The following TEC variants were observed in gnomAD, a reference collection of about 807,000 sequenced individuals.
TEC encodes the protein tec protein tyrosine kinase, also known as tyrosine-protein kinase Tec.
In TEC, 72 loss-of-function variants were observed where a neutral mutation model predicts 93.0. That is an observed-to-expected ratio of 0.77 (90% CI 0.64 to 0.94). The LOEUF is 0.94. Among genes scored for constraint, TEC ranks in the 40% least tolerant of loss-of-function variants. The probability of loss-of-function intolerance (pLI) is 0.00; values close to 1 mark genes in which losing one functional copy is unlikely to be tolerated. For missense variants in TEC, 630 were observed against 757.9 expected, an observed-to-expected ratio of 0.83 and a Z score of 1.98; for synonymous variants, 249 against 247.7, an observed-to-expected ratio of 1.01 and a Z score of -0.05.
intron 1 of TEC, among the ~76,000 whole-genome samples, chr4:48,242,123 C>T (rs1463903991): frequency 5.3e-5 from 8 of 152,280 alleles, no homozygotes; most frequent in South Asian, 2.1e-4. Flanking sequence ...CAATTTCTTC[C>T]AGTGCTGTGT....
intron 2 of TEC, among the ~76,000 whole-genome samples, chr4:48,191,984 G>A (rs529876199): frequency 6.6e-6 from 1 of 152,232 alleles, no homozygotes; most frequent in East Asian, 1.9e-4. Flanking sequence ...TATTTGCTCA[G>A]TATATACTAC....
At chr4:48,248,216 G>A (rs1309019989) in intron 1 of TEC, among the ~76,000 whole-genome samples, 1 of 152,184 alleles carries the variant, frequency 6.6e-6, no homozygotes, top group Non-Finnish European at 1.5e-5. Context: ...AATTAGTGGT[G>A]TACAAATAAT....
At chr4:48,146,503 C>A in intron 11 of TEC, 104 bp from the exon 12 acceptor site, 1 of 981,148 alleles carries the variant, frequency 1.0e-6, no homozygotes, top group Non-Finnish European at 1.6e-6. Flanking sequence ...TATTCATTTA[C>A]TGCTCATCCT....
chr4:48,170,503 C>T, intron 4 of TEC, 127 bp from the exon 5 acceptor site: 2 of 612,362 alleles, frequency 3.3e-6, no homozygotes, highest in Non-Finnish European at 5.3e-6. Flanking sequence ...GCCCTTAGAT[C>T]ACAGGACTCA....
At chr4:48,255,184 C>T (rs1029176486) in intron 1 of TEC, among the ~76,000 whole-genome samples, 3 of 152,192 alleles carry the variant, frequency 2.0e-5, no homozygotes, top group African/African-American at 7.2e-5. Context: ...TGTGCTCTCA[C>T]CACCGTGCAG....
chr4:48,236,228 A>C (rs1387447684), intron 1 of TEC, among the ~76,000 whole-genome samples: 1 of 152,152 alleles, frequency 6.6e-6, no homozygotes, highest in Non-Finnish European at 1.5e-5. Flanking sequence ...ATGAAACAAA[A>C]CTTCAGGATT....
At chr4:48,201,667 C>T (rs970501035) in intron 2 of TEC, among the ~76,000 whole-genome samples, 1 of 152,138 alleles carries the variant, frequency 6.6e-6, no homozygotes, top group Non-Finnish European at 1.5e-5. Context: ...AGCAAGGACA[C>T]GGGCTCTCAG....
At chr4:48,157,014 CAT>C (rs1013374974) in intron 8 of TEC, among the ~76,000 whole-genome samples, 1 of 152,264 alleles carries the variant, frequency 6.6e-6, no homozygotes, top group African/African-American at 2.4e-5. Flanking sequence ...CTGAATTTTT[CAT>C]ATAACATTAT....
At chr4:48,261,583 T>C (rs1203700266) in intron 1 of TEC, among the ~76,000 whole-genome samples, 1 of 152,208 alleles carries the variant, frequency 6.6e-6, no homozygotes, top group Middle Eastern at 3.2e-3. Flanking sequence ...AAAGATATCA[T>C]TGGAATTCCA....
At chr4:48,215,843 A>C (rs1241104218) in intron 2 of TEC, among the ~76,000 whole-genome samples, 1 of 152,146 alleles carries the variant, frequency 6.6e-6, no homozygotes, top group Admixed American at 6.5e-5. Context: ...AAGGCAGTGC[A>C]CTCAGAGAGC....
At chr4:48,160,443 T>G (rs993146699) in intron 8 of TEC, among the ~76,000 whole-genome samples, 3 of 152,004 alleles carry the variant, frequency 2.0e-5, no homozygotes, top group African/African-American at 7.2e-5. Context: ...AGAAAAACCT[T>G]TGGCCAGGGG....
intron 2 of TEC, among the ~76,000 whole-genome samples, chr4:48,185,116 C>T (rs1474679724): frequency 1.3e-5 from 2 of 152,144 alleles, no homozygotes; most frequent in Non-Finnish European, 2.9e-5. Flanking sequence ...TCTAGGGTTA[C>T]AGAGACAAAT....
chr4:48,233,950 T>G (rs998347747), intron 1 of TEC, among the ~76,000 whole-genome samples: 2 of 151,832 alleles, frequency 1.3e-5, no homozygotes, highest in African/African-American at 4.8e-5. Context: ...TCAAAGAAAA[T>G]TTTTAGGAAA....
chr4:48,267,721 A>C (rs6845740), intron 1 of TEC, among the ~76,000 whole-genome samples: 16,313 of 152,250 alleles, frequency 0.11, 1,030 homozygotes, highest in East Asian at 0.24. Context: ...TCCAAGGAGC[A>C]TCCACGGGGA....
chr4:48,262,199 C>CTGTTTTTTTTTTTTTTT (rs1560428919), intron 1 of TEC, among the ~76,000 whole-genome samples: 1 of 15,686 alleles, frequency 6.4e-5, no homozygotes, highest in Non-Finnish European at 2.9e-4. Flanking sequence ...GACCAAATGT[C>CTGTTTTTTTTTTTTTTT]TCTTTTTTTT....
chr4:48,195,086 G>A lies in TEC; in HGVS notation c.139-18900C>T, dbSNP rs564500641. Among the ~76,000 whole-genome samples the A allele has an allele frequency of 2.0e-5, 3 of 152,286 alleles. No homozygotes were observed. In the East Asian group the frequency reaches 5.8e-4, roughly 29 times the overall value. ...ATTCTGCTTAAGCTGGGGGCTCCCT[G>A]ACTTCTGCAGATGAATACTGAACCA... On this transcript the variant is annotated intron_variant, in intron 2 of 17. Transcript: ENST00000381501.
chr4:48,233,008 C>A (rs1723689626), intron 1 of TEC, among the ~76,000 whole-genome samples: 2 of 152,192 alleles, frequency 1.3e-5, no homozygotes. Context: ...GTGACTAACC[C>A]TCCTCAACCC....
At chr4:48,267,147 C>T (rs568160524) in intron 1 of TEC, among the ~76,000 whole-genome samples, 1 of 152,300 alleles carries the variant, frequency 6.6e-6, no homozygotes, top group South Asian at 2.1e-4. Flanking sequence ...TAAACCATAA[C>T]AAAACAAACT....
At chr4:48,190,085 A>G (rs1249711242) in intron 2 of TEC, among the ~76,000 whole-genome samples, 1 of 152,240 alleles carries the variant, frequency 6.6e-6, no homozygotes, top group Non-Finnish European at 1.5e-5. Flanking sequence ...TTTGAAAGCA[A>G]TAACATGTAA....
Sources: allele counts gnomAD v4.1 joint callset (sites outside exome capture counted in the v4.1 genomes callset), GRCh38; gene constraint gnomAD v4.1.1; transcripts MANE v1.5; gene names NCBI Gene and HGNC (gene_info 2026-07-23, HGNC 2026-07-21).